The following AFAP1 variants were observed in gnomAD, a reference collection of about 807,000 sequenced individuals.
The protein encoded by AFAP1 is actin filament-associated protein 1.
Under a neutral mutation model 93.9 loss-of-function variants are expected in AFAP1, and 75 were observed. The ratio of observed to expected loss-of-function variants is 0.80; its 90% CI spans 0.66 to 0.97. AFAP1 has a LOEUF of 0.97. Among genes scored for constraint, AFAP1 ranks in the 50% least tolerant of loss-of-function variants. AFAP1 has a pLI of 0.00. For missense variants in AFAP1, 1,201 were observed against 1,050.8 expected (o/e 1.14, Z -1.98); for synonymous variants, 517 against 430.7 (o/e 1.20, Z -2.48).
At chr4:7,869,035 A>G (rs1716761634) in intron 2 of AFAP1, among the ~76,000 whole-genome samples, 1 of 151,726 alleles carries the variant, frequency 6.6e-6, no homozygotes, top group African/African-American at 2.4e-5. Flanking sequence ...AAGAAAAAAG[A>G]AAGAAAAGAA....
At chr4:7,771,044 T>C (rs1279373393) in intron 16 of AFAP1, among the ~76,000 whole-genome samples, 1 of 152,228 alleles carries the variant, frequency 6.6e-6, no homozygotes, top group African/African-American at 2.4e-5. Flanking sequence ...TGGATTCCAA[T>C]TCCCCCTGCA....
rs779162125 is a variant in AFAP1, at chr4:7,843,290, C to G, written c.395G>C (p.Gly132Ala). Residue 132 changes from glycine to alanine, a missense_variant, in exon 5 of 18, where the codon GGG (glycine) becomes GCG (alanine). By Grantham distance (60) the Gly-to-Ala change is moderately conservative. Coordinates refer to ENST00000420658, the MANE Select transcript of AFAP1 (RefSeq NM_001134647.2). ...YESYDEEEED[G>A]KGKKTRHQWP... ...CTGGTGCCGGGTTTTCTTCCCCTTC[C>G]CATCCTCCTCCTCTTCATCATACGA... The G allele has an allele frequency of 9.3e-6, 15 of 1,614,006 alleles. No individual in the cohort carries two copies. Among genetic ancestry groups the G allele is most frequent in the Non-Finnish European group, 8.5e-7 (1 of 1,180,030 alleles).
chr4:7,766,079 G>C (rs546437152), intron 17 of AFAP1, among the ~76,000 whole-genome samples: 2 of 152,170 alleles, frequency 1.3e-5, no homozygotes, highest in Admixed American at 6.5e-5. Context: ...TCAAAAGCTC[G>C]AGTTCAACTC....
intron 1 of AFAP1, among the ~76,000 whole-genome samples, chr4:7,910,409 A>G (rs1445233732): frequency 6.6e-6 from 1 of 152,240 alleles, no homozygotes; most frequent in Non-Finnish European, 1.5e-5. Context: ...GGCAACCTCC[A>G]GAATTCAAAA....
At chr4:7,930,573 T>TCC (rs1721012139) in intron 1 of AFAP1, among the ~76,000 whole-genome samples, 1 of 152,128 alleles carries the variant, frequency 6.6e-6, no homozygotes, top group African/African-American at 2.4e-5. Context: ...CAAAAGACAC[T>TCC]CCTATCACTC....
At chr4:7,903,017 T>C (rs1285246667) in intron 1 of AFAP1, among the ~76,000 whole-genome samples, 1 of 152,234 alleles carries the variant, frequency 6.6e-6, no homozygotes, top group Admixed American at 6.5e-5. Context: ...CCGGCAAGTA[T>C]CTGCGCCACC....
chr4:7,886,486 G>A (rs1020767836), intron 1 of AFAP1, among the ~76,000 whole-genome samples: 12 of 152,152 alleles, frequency 7.9e-5, no homozygotes, highest in African/African-American at 2.4e-4. Flanking sequence ...TTTATAAAAG[G>A]GATCTGTGCA....
rs889811964 is a variant in AFAP1 at position 7,804,385 on chromosome 4, A to T, written c.1055-3732T>A. 3.9e-5 allele frequency among the ~76,000 whole-genome samples: 6 copies of T among 152,218 alleles called. No individual in the cohort carries two copies. The East Asian group carries it at 1.2e-3, about 29-fold the overall frequency. On this transcript the variant is annotated intron_variant, in intron 9 of 17. Coordinates refer to ENST00000420658, the MANE Select transcript of AFAP1 (RefSeq NM_001134647.2). ...TTATGGTAGGGTGTTACTGAATTTT[A>T]AAAATTTCTGAGTTTAATGTTTTCT...
intron 1 of AFAP1, among the ~76,000 whole-genome samples, chr4:7,902,461 C>T: frequency 6.6e-6 from 1 of 152,148 alleles, no homozygotes; most frequent in East Asian, 1.9e-4. Context: ...AGTGCCTCAG[C>T]CCTAGACTGA....
At chr4:7,889,926 G>A (rs1718357260) in intron 1 of AFAP1, among the ~76,000 whole-genome samples, 1 of 142,138 alleles carries the variant, frequency 7.0e-6, no homozygotes, top group Admixed American at 7.4e-5. Flanking sequence ...AATCCCTACT[G>A]CTAAAATAAT....
chr4:7,894,599 C>A (rs1457461707), intron 1 of AFAP1, among the ~76,000 whole-genome samples: 1 of 152,128 alleles, frequency 6.6e-6, no homozygotes, highest in Non-Finnish European at 1.5e-5. Context: ...ATCAGGGAGA[C>A]AGAGGGGGCC....
rs1183026676 is a variant in AFAP1, at chr4:7,868,663, G to T, written c.184C>A (p.Pro62Thr). The change falls in exon 3 of 18, where the codon CCT (proline) becomes ACT (threonine). Residue 62 changes from proline (P) to threonine (T), a missense_variant. Transcript: ENST00000420658. ...KQETANSLPA[P>T]PQMPLPEIPQ... ...ATCTCCGGCAGGGGCATCTGAGGAG[G>T]GGCTGGCAGGCTGTTAGCGGTCTCC... 4.3e-6 allele frequency: 7 copies of T among 1,613,194 alleles called. No individual in the cohort carries two copies. The highest frequency in any genetic ancestry group is 5.9e-6 in the Non-Finnish European group (7 of 1,179,960).
chr4:7,887,993 A>G (rs1718230562), intron 1 of AFAP1, among the ~76,000 whole-genome samples: 1 of 151,634 alleles, frequency 6.6e-6, no homozygotes, highest in South Asian at 2.1e-4. Flanking sequence ...CGCCCGGCTA[A>G]GTTTTGTATT....
At chr4:7,818,161 G>A (rs866371816) in intron 7 of AFAP1, among the ~76,000 whole-genome samples, 13 of 152,206 alleles carry the variant, frequency 8.5e-5, no homozygotes, top group Non-Finnish European at 1.0e-4. Flanking sequence ...GGGCCTCAGT[G>A]GAAGAAAAAC....
rs1407415214 is a variant in AFAP1, at chr4:7,778,774, T to C, written c.1885A>G (p.Arg629Gly). The C allele has an allele frequency of 1.9e-6, 3 of 1,614,098 alleles. No homozygotes were observed. Among genetic ancestry groups the C allele is most frequent in the Non-Finnish European group, 2.5e-6 (3 of 1,179,950 alleles). The change falls in exon 14 of 18, where the codon AGG (arginine) becomes GGG (glycine). Residue 629 changes from arginine to glycine, a missense_variant. Arg to Gly is a moderately radical substitution (Grantham distance 125, BLOSUM62 -2). Transcript: ENST00000420658. ...KKADPAAVVKRTGSNAAQYKY... is the reference protein window; with the variant it reads ...KKADPAAVVKGTGSNAAQYKY... ...ATGGTATACTTACTCGAACCCGTCC[T>C]TTTCACAACAGCCGCGGGATCCGCT...
chr4:7,846,783 G>A (rs922191168), intron 4 of AFAP1, among the ~76,000 whole-genome samples: 2 of 152,202 alleles, frequency 1.3e-5, no homozygotes, highest in South Asian at 2.1e-4. Flanking sequence ...CCATCTCACC[G>A]GACCTCCCAG....
chr4:7,880,879 A>G (rs993531480), intron 1 of AFAP1, among the ~76,000 whole-genome samples: 3 of 152,180 alleles, frequency 2.0e-5, no homozygotes, highest in Non-Finnish European at 4.4e-5. Flanking sequence ...ACACGGGGAA[A>G]GTTGCCACGG....
chr4:7,781,545 T>A lies in AFAP1; in HGVS notation c.1613A>T (p.Asp538Val). The change falls in exon 13 of 18, where the codon GAT (aspartate) becomes GTT (valine). Residue 538 changes from aspartate (D) to valine (V), a missense_variant. Transcript: ENST00000420658. ...AAAGATGTGCGGAGGCGGCAAGTTA[T>A]CGTACAGGCCTGCGTTATCATAAAG... Reference protein sequence around the residue: ...EVLYDNAGLYDNLPPPHIFAR... With the variant: ...EVLYDNAGLYVNLPPPHIFAR... The A allele has an allele frequency of 1.9e-6, 3 of 1,552,076 alleles. No homozygotes were observed. Among genetic ancestry groups the A allele is most frequent in the Non-Finnish European group, 2.6e-6 (3 of 1,147,080 alleles).
chr4:7,893,543 T>C lies in AFAP1; in HGVS notation c.-2-21463A>G, dbSNP rs1036780301. ...TTGCAGTGAGCCGAGATCACGCCAC[T>C]GCACTTCAGCCTGGGCGACAGAGTG... On this transcript the variant is annotated intron_variant, in intron 1 of 17. Coordinates refer to ENST00000420658, the MANE Select transcript of AFAP1 (RefSeq NM_001134647.2). 8.9e-5 allele frequency among the ~76,000 whole-genome samples: 12 copies of C among 134,930 alleles called. No individual in the cohort carries two copies. In the East Asian group the frequency reaches 2.3e-3, roughly 25 times the overall value. 88.5% of individuals were successfully genotyped at this position (134,930 alleles called of 152,430 possible).
Sources: allele counts gnomAD v4.1 joint callset (sites outside exome capture counted in the v4.1 genomes callset), GRCh38; gene constraint gnomAD v4.1.1; transcripts MANE v1.5; gene names NCBI Gene and HGNC (gene_info 2026-07-23, HGNC 2026-07-21).